Variants in COL25A1 observed in about 807,000 individuals in gnomAD.
COL25A1 encodes the protein collagen alpha-1(XXV) chain.
COL25A1 carries 103 observed loss-of-function variants against 128.4 expected under a neutral mutation model. The ratio of observed to expected loss-of-function variants is 0.80; its 90% CI spans 0.68 to 0.94. The LOEUF (loss-of-function observed/expected upper bound fraction) is 0.94, where lower values mean the gene tolerates loss of function less well. Among genes scored for constraint, COL25A1 ranks in the 40% least tolerant of loss-of-function variants. The probability of loss-of-function intolerance (pLI) is 0.00; values close to 1 mark genes in which losing one functional copy is unlikely to be tolerated. For synonymous variants in COL25A1, 279 were observed against 277.2 expected (o/e 1.01, Z -0.06); for missense variants, 745 against 840.0 (o/e 0.89, Z 1.40).
At chr4:109,175,615 G>A (rs1446485280) in intron 3 of COL25A1, among the ~76,000 whole-genome samples, 5 of 152,120 alleles carry the variant, frequency 3.3e-5, no homozygotes, top group Non-Finnish European at 1.5e-5. Context: ...CATAAAACAT[G>A]AGATTTTATT....
intron 6 of COL25A1, among the ~76,000 whole-genome samples, chr4:108,997,065 A>G (rs894265224): frequency 2.0e-5 from 3 of 152,210 alleles, no homozygotes; most frequent in African/African-American, 7.2e-5. Flanking sequence ...CAATTAAAAG[A>G]ACTAGAGAAA....
intron 24 of COL25A1, among the ~76,000 whole-genome samples, chr4:108,856,628 G>T (rs1736541401): frequency 6.6e-6 from 1 of 152,056 alleles, no homozygotes; most frequent in Non-Finnish European, 1.5e-5. Flanking sequence ...CTATTTATAA[G>T]CATGGCAAAT....
intron 6 of COL25A1, among the ~76,000 whole-genome samples, chr4:109,003,984 A>T (rs1357552584): frequency 1.3e-5 from 2 of 151,174 alleles, no homozygotes; most frequent in Non-Finnish European, 2.9e-5. Context: ...GATTCAGGAG[A>T]TTCACAGCAA....
intron 5 of COL25A1, among the ~76,000 whole-genome samples, chr4:109,014,108 A>G (rs554076024): frequency 6.6e-6 from 1 of 152,202 alleles, no homozygotes; most frequent in East Asian, 1.9e-4. Context: ...GGGGTTTGAG[A>G]CTAGCCTGGC....
intron 3 of COL25A1, among the ~76,000 whole-genome samples, chr4:109,238,805 C>G (rs756726166): frequency 6.6e-6 from 1 of 152,026 alleles, no homozygotes; most frequent in Non-Finnish European, 1.5e-5. Flanking sequence ...GAGGGTCTGC[C>G]AACTTGCACC....
At chr4:108,834,310 T>C in intron 31 of COL25A1, 3 of 1,544,138 alleles carry the variant, frequency 1.9e-6, no homozygotes, top group Non-Finnish European at 2.6e-6. Flanking sequence ...AGCACATGAT[T>C]CACAGCCACA....
At chr4:108,875,661 T>C (rs1739359229) in intron 19 of COL25A1, among the ~76,000 whole-genome samples, 1 of 152,200 alleles carries the variant, frequency 6.6e-6, no homozygotes, top group African/African-American at 2.4e-5. Context: ...TGGCGACTCC[T>C]CAAGGATCTA....
intron 3 of COL25A1, among the ~76,000 whole-genome samples, chr4:109,225,101 A>G (rs1778713691): frequency 6.6e-6 from 1 of 152,224 alleles, no homozygotes; most frequent in East Asian, 1.9e-4. Context: ...CCACACTTTA[A>G]GAAACAGAGC....
chr4:109,139,916 A>G (rs934208926), intron 3 of COL25A1, among the ~76,000 whole-genome samples: 23 of 151,388 alleles, frequency 1.5e-4, no homozygotes, highest in African/African-American at 5.6e-4. Flanking sequence ...GAGTGAGAAC[A>G]TATGGTGTTT....
chr4:109,142,189 G>C (rs1254658708), intron 3 of COL25A1, among the ~76,000 whole-genome samples: 2 of 152,146 alleles, frequency 1.3e-5, no homozygotes, highest in Non-Finnish European at 2.9e-5. Flanking sequence ...TATTTACCCA[G>C]TAGTCATTCA....
In COL25A1 at chr4:108,886,488, G is replaced by GGTTTTTTTTTTTTT. The variant is rs1553960509; in HGVS notation, c.976-2267_976-2266insAAAAAAAAAAAAAC. On this transcript the variant is annotated intron_variant, in intron 18 of 37. Transcript: ENST00000399132. ...TGTGTGTGTGTGTGTGTGTGTGTGTGTGTGTTTAGCTCATCAGCTATTTTA... is the reference window on the plus strand; with the variant it reads ...TGTGTGTGTGTGTGTGTGTGTGTGTGGTTTTTTTTTTTTTTGTGTTTAGCTCATCAGCTATTTTA... 3.0e-4 allele frequency among the ~76,000 whole-genome samples: 15 copies of GGTTTTTTTTTTTTT among 49,466 alleles called. 1 individual carries two copies. Among genetic ancestry groups the GGTTTTTTTTTTTTT allele is most frequent in the African/African-American group, 8.4e-4 (13 of 15,482 alleles). The allele number at this position is 49,466 out of a possible 152,430, so 32.5% of individuals were successfully genotyped here.
At chr4:109,157,465 G>A (rs763025162) in intron 3 of COL25A1, among the ~76,000 whole-genome samples, 7 of 151,920 alleles carry the variant, frequency 4.6e-5, no homozygotes, top group Non-Finnish European at 8.8e-5. Context: ...ACTTCCTGTG[G>A]GGTTTCTCCA....
chr4:109,082,144 C>T (rs937008925), intron 3 of COL25A1, among the ~76,000 whole-genome samples: 3 of 152,188 alleles, frequency 2.0e-5, no homozygotes, highest in Non-Finnish European at 4.4e-5. Context: ...GTACTACATT[C>T]AATTTCATAG....
chr4:109,279,453 C>A (rs1723163677), intron 3 of COL25A1, among the ~76,000 whole-genome samples: 1 of 152,244 alleles, frequency 6.6e-6, no homozygotes, highest in Admixed American at 6.5e-5. Flanking sequence ...AATCTGCACA[C>A]CTCAGTCCCA....
rs530718920 is a variant in COL25A1 at position 109,006,177 on chromosome 4, A to G, written c.438+4181T>C. On this transcript the variant is annotated intron_variant, in intron 6 of 37. Coordinates refer to ENST00000399132, the MANE Select transcript of COL25A1 (RefSeq NM_198721.4). The stretch of plus-strand genomic sequence containing the variant: ...TAAGAAAAATTTGATCAAATAAAAG[A>G]AAGCTTTCAACAACTTAAAAACCCA... Among the ~76,000 whole-genome samples, 3 of 152,006 alleles carry G rather than the reference A, an allele frequency of 2.0e-5. No individual in the cohort carries two copies. In the South Asian group the frequency reaches 6.2e-4, roughly 32 times the overall value.
At chr4:109,161,126 A>G (rs1772538087) in intron 3 of COL25A1, among the ~76,000 whole-genome samples, 1 of 152,078 alleles carries the variant, frequency 6.6e-6, no homozygotes, top group African/African-American at 2.4e-5. Context: ...ACATGGCCTC[A>G]ACTATTTTAT....
At chr4:109,197,952 A>G (rs1346284434) in intron 3 of COL25A1, among the ~76,000 whole-genome samples, 1 of 152,194 alleles carries the variant, frequency 6.6e-6, no homozygotes, top group Admixed American at 6.6e-5. Context: ...TGTCAATATT[A>G]CATTCACCCA....
chr4:109,097,773 C>T (rs1288138023), intron 3 of COL25A1, among the ~76,000 whole-genome samples: 3 of 149,590 alleles, frequency 2.0e-5, no homozygotes, highest in Admixed American at 6.7e-5. Context: ...AGGCGATTCT[C>T]CTGCCTCAGC....
intron 13 of COL25A1, among the ~76,000 whole-genome samples, chr4:108,913,239 G>T (rs910645997): frequency 1.5e-5 from 2 of 129,510 alleles, no homozygotes; most frequent in Non-Finnish European, 3.2e-5. Context: ...ATGGGACTTT[G>T]TGTGGTCTCT....
Sources: allele counts gnomAD v4.1 joint callset (sites outside exome capture counted in the v4.1 genomes callset), GRCh38; gene constraint gnomAD v4.1.1; transcripts MANE v1.5; gene names NCBI Gene and HGNC (gene_info 2026-07-23, HGNC 2026-07-21).